TRAF3: variants seen among roughly 807,000 people sequenced by gnomAD.
TRAF3 encodes TNF receptor-associated factor 3.
TRAF3 carries 13 observed loss-of-function variants against 62.3 expected under a neutral mutation model. The ratio of observed to expected loss-of-function variants is 0.21; its 90% CI spans 0.14 to 0.33. The LOEUF (loss-of-function observed/expected upper bound fraction) is 0.33. TRAF3 is among the 10% of genes least tolerant of loss of function. TRAF3 has a pLI of 1.00. For synonymous variants in TRAF3, 269 were observed against 283.4 expected, an observed-to-expected ratio of 0.95 and a Z score of 0.51; for missense variants, 440 against 741.8, an observed-to-expected ratio of 0.59 and a Z score of 4.73.
chr14:102,843,192 G>C (rs1886483328), intron 2 of TRAF3, among the ~76,000 whole-genome samples: 1 of 150,152 alleles, frequency 6.7e-6, no homozygotes, highest in African/African-American at 2.5e-5. Flanking sequence ...GACAGAGGGA[G>C]ACTCCATCTC....
rs139207878 is a variant in TRAF3, at chr14:102,842,148, G to A, written c.-18+11676G>A. Among the ~76,000 whole-genome samples, 1,249 of 151,894 alleles carry A rather than the reference G, an allele frequency of 8.2e-3. 14 individuals carry two copies. The highest frequency in any genetic ancestry group is 0.029 in the African/African-American group (1,196 of 41,460). Reference sequence around the variant, plus strand: ...AATCCCAGCTACTCGGGAGACTGAGGCAGGAGGATCACTTGAACCCGGGAG... The same window carrying A: ...AATCCCAGCTACTCGGGAGACTGAGACAGGAGGATCACTTGAACCCGGGAG... On this transcript the variant is annotated intron_variant, in intron 2 of 11. Transcript: ENST00000392745.
At chr14:102,837,158 G>T (rs1176161398) in intron 2 of TRAF3, among the ~76,000 whole-genome samples, 1 of 150,238 alleles carries the variant, frequency 6.7e-6, no homozygotes, top group Admixed American at 6.7e-5. Context: ...TTTGGGGGGG[G>T]GTGAAGGTCT....
chr14:102,780,450 C>T (rs935072477), intron 1 of TRAF3, among the ~76,000 whole-genome samples: 5 of 151,618 alleles, frequency 3.3e-5, no homozygotes, highest in African/African-American at 1.2e-4. Context: ...AACACTATTC[C>T]AGGAAAGGGG....
At position 102,897,413 on chromosome 14, in the gene TRAF3, A is replaced by G. The variant is rs1358049336; in HGVS notation, c.960+12A>G. The G allele has an allele frequency of 2.5e-6, 4 of 1,613,174 alleles. No individual in the cohort carries two copies. The Admixed American group carries it at 6.7e-5, about 27-fold the overall frequency. ...TCCTTCATTTACAGGTAAGAATCTT[A>G]GGACTACGGCCAGATCAAAGGGTGG... On this transcript the variant is annotated intron_variant, in intron 10 of 11. Transcript: ENST00000392745.
intron 10 of TRAF3, among the ~76,000 whole-genome samples, chr14:102,902,923 C>T (rs937264261): frequency 1.3e-5 from 2 of 152,222 alleles, no homozygotes; most frequent in African/African-American, 4.8e-5. Flanking sequence ...GACCTCTCCC[C>T]TGGTCTTCTG....
intron 1 of TRAF3, among the ~76,000 whole-genome samples, chr14:102,787,400 G>C (rs1897560064): frequency 2.0e-5 from 3 of 151,826 alleles, no homozygotes; most frequent in African/African-American, 7.3e-5. Context: ...ATTTGGGCTG[G>C]GCGTGGTGGC....
In TRAF3 at chr14:102,896,466, TAAATG is replaced by T. The variant is rs60008039; in HGVS notation, c.820-789_820-785del. ...CATCCTCCAGGGACTAGTATTTTCT[TAAATG>T]AAATGGAATAAAAAAAATCAGGGTG... is the stretch of plus-strand genomic sequence containing the variant. On this transcript the variant is annotated intron_variant, in intron 9 of 11. Coordinates refer to ENST00000392745, the MANE Select transcript of TRAF3 (RefSeq NM_145725.3). Among the ~76,000 whole-genome samples the T allele has an allele frequency of 8.8e-3, 1,334 of 152,252 alleles. 24 individuals carry two copies. The highest frequency in any genetic ancestry group is 0.03 in the African/African-American group (1,250 of 41,524).
At chr14:102,814,278 T>C (rs1299221132) in intron 1 of TRAF3, among the ~76,000 whole-genome samples, 2 of 152,216 alleles carry the variant, frequency 1.3e-5, no homozygotes, top group African/African-American at 4.8e-5. Context: ...TCTGTGTATC[T>C]GTTTTTATAG....
intron 1 of TRAF3, among the ~76,000 whole-genome samples, chr14:102,793,681 A>G (rs924968446): frequency 6.6e-6 from 1 of 152,200 alleles, no homozygotes; most frequent in Non-Finnish European, 1.5e-5. Flanking sequence ...GCTGGGGAAA[A>G]TCATGGCTGA....
intron 2 of TRAF3, among the ~76,000 whole-genome samples, chr14:102,858,952 A>G (rs1887534855): frequency 6.6e-6 from 1 of 152,178 alleles, no homozygotes; most frequent in Non-Finnish European, 1.5e-5. Flanking sequence ...ATTCTTATAA[A>G]CCTTTTATAA....
Position 102,871,941 on chromosome 14 carries a change from G to T in TRAF3, c.270G>T (p.Ala90=), listed in dbSNP as rs149018928. 86 of 1,614,170 alleles carry T rather than the reference G, an allele frequency of 5.3e-5. No individual in the cohort carries two copies. The highest frequency in any genetic ancestry group is 4.9e-4 in the Middle Eastern group (3 of 6,062). Residue 90 remains alanine, a synonymous_variant, in exon 4 of 12, where the codon GCG becomes GCT. Coordinates refer to ENST00000392745, the MANE Select transcript of TRAF3 (RefSeq NM_145725.3). ...GCTCTTCAAGTCCAAAATGTACAGC[G>T]TGTCAAGAGAGCATCGTTAAAGATA... The part of the protein sequence containing the change: ...LLSSSSPKCT[A]CQESIVKDKV...
At chr14:102,799,207 T>G (rs1373494891) in intron 1 of TRAF3, among the ~76,000 whole-genome samples, 1 of 151,948 alleles carries the variant, frequency 6.6e-6, no homozygotes, top group Non-Finnish European at 1.5e-5. Context: ...CTGCTCAGAG[T>G]CTTTCTCATG....
At chr14:102,820,132 C>T (rs554334957) in intron 1 of TRAF3, among the ~76,000 whole-genome samples, 15 of 152,154 alleles carry the variant, frequency 9.9e-5, no homozygotes, top group South Asian at 4.1e-4. Flanking sequence ...CTTTCCTTTG[C>T]GAGCGTCCTC....
intron 5 of TRAF3, among the ~76,000 whole-genome samples, 182 bp from the exon 6 acceptor site, chr14:102,876,176 C>T (rs1273892302): frequency 1.3e-5 from 2 of 152,154 alleles, no homozygotes; most frequent in Admixed American, 6.5e-5. Flanking sequence ...TTTGAGTAAT[C>T]ATGAAATAGA....
chr14:102,889,650 T>G lies in TRAF3; in HGVS notation c.726+16T>G. 6.2e-7 allele frequency: 1 copy of G among 1,613,940 alleles called. No homozygotes were observed. On this transcript the variant is annotated intron_variant, in intron 8 of 11. Coordinates refer to ENST00000392745, the MANE Select transcript of TRAF3 (RefSeq NM_145725.3). ...CGTTTTTCAGGTCAGTATCCGACAT[T>G]TGTCCTTCCCAGTCACTGACATTCT... is the stretch of plus-strand genomic sequence containing the variant.
At chr14:102,867,553 G>C (rs1200500616) in intron 2 of TRAF3, among the ~76,000 whole-genome samples, 1 of 152,148 alleles carries the variant, frequency 6.6e-6, no homozygotes, top group Non-Finnish European at 1.5e-5. Flanking sequence ...TGGACTGCAT[G>C]TGTCTGGGTA....
intron 2 of TRAF3, among the ~76,000 whole-genome samples, chr14:102,851,533 A>G (rs2139731194): frequency 6.6e-6 from 1 of 152,316 alleles, no homozygotes; most frequent in East Asian, 1.9e-4. Flanking sequence ...TCACGAGGTC[A>G]GGAGATTGAG....
chr14:102,828,366 C>T (rs574993761), intron 1 of TRAF3, among the ~76,000 whole-genome samples: 1 of 152,312 alleles, frequency 6.6e-6, no homozygotes, highest in Admixed American at 6.5e-5. Flanking sequence ...CTGTTGCCTG[C>T]AGTCGGAAGG....
intron 1 of TRAF3, chr14:102,810,601 G>C (rs1404962978): frequency 6.6e-6 from 1 of 152,152 alleles, no homozygotes; most frequent in Non-Finnish European, 1.5e-5. Flanking sequence ...CAGAATTCCT[G>C]ACTTAAGGCT....
Sources: gnomAD v4.1 joint callset for allele counts (sites outside exome capture counted in the v4.1 genomes callset) on GRCh38, gnomAD v4.1.1 for gene constraint, MANE v1.5 for transcripts, NCBI Gene and HGNC (gene_info 2026-07-23, HGNC 2026-07-21) for gene names.